Variants in TJP3 observed in about 807,000 individuals in gnomAD.
TJP3 encodes tight junction protein ZO-3.
In TJP3, 85 loss-of-function variants were observed where a neutral mutation model predicts 104.2. The ratio of observed to expected loss-of-function variants is 0.82; its 90% CI spans 0.68 to 0.98. The LOEUF (loss-of-function observed/expected upper bound fraction) is 0.98. TJP3 is among the 50% of genes least tolerant of loss of function. The probability of loss-of-function intolerance (pLI) is 0.00; values close to 1 mark genes in which losing one functional copy is unlikely to be tolerated. For missense variants in TJP3, 1,367 were observed against 1,322.8 expected (o/e 1.03, Z -0.52); for synonymous variants, 550 against 550.6 (o/e 1.00, Z 0.02).
chr19:3,714,774 C>A (rs1328570357), intron 1 of TJP3, among the ~76,000 whole-genome samples: 1 of 151,960 alleles, frequency 6.6e-6, no homozygotes, highest in Non-Finnish European at 1.5e-5. Flanking sequence ...TCAGTTTTCC[C>A]ACAAGCACTC....
chr19:3,711,218 G>C (rs189093338), intron 1 of TJP3, among the ~76,000 whole-genome samples: 1 of 42,898 alleles, frequency 2.3e-5, no homozygotes, highest in African/African-American at 8.4e-5. Context: ...TTTTTTTTGA[G>C]ATGGAGTCTC....
rs1026107588 is a variant in TJP3, at chr19:3,716,822, C to T, written c.-10+8261C>T. Among the ~76,000 whole-genome samples the T allele has an allele frequency of 1.3e-3, 126 of 97,596 alleles. 5 individuals carry two copies. The highest frequency in any genetic ancestry group is 5.0e-3 in the African/African-American group (122 of 24,462). 64.0% of individuals were successfully genotyped at this position (97,596 alleles called of 152,430 possible). On this transcript the variant is annotated intron_variant, in intron 1 of 20. Transcript: ENST00000541714. ...ATATATTTTTTTTTTTTTTTTGAAA[C>T]AGAGTCTCAGTCTGTCGCCCAGGTT...
intron 19 of TJP3, chr19:3,749,767 AGAGTG>A (rs921589160): frequency 9.7e-5 from 27 of 276,956 alleles, no homozygotes; most frequent in African/African-American, 5.9e-4. Context: ...ATCTCTGATT[AGAGTG>A]ATTTTCCTGG....
At chr19:3,729,546 C>T (rs1352567487) in intron 3 of TJP3, among the ~76,000 whole-genome samples, 1 of 151,876 alleles carries the variant, frequency 6.6e-6, no homozygotes, top group Non-Finnish European at 1.5e-5. Flanking sequence ...TTTGGGAGGC[C>T]GAGGTGGGCG....
At chr19:3,737,800 G>C (rs1007317124) in intron 11 of TJP3, among the ~76,000 whole-genome samples, 1 of 152,204 alleles carries the variant, frequency 6.6e-6, no homozygotes. Context: ...CATTTTGCTT[G>C]TGGGATTCTA....
intron 15 of TJP3, among the ~76,000 whole-genome samples, chr19:3,745,064 A>G (rs2018242439): frequency 1.3e-5 from 2 of 151,626 alleles, no homozygotes; most frequent in South Asian, 2.1e-4. Context: ...CCTGGGCAAC[A>G]CAGCAAAATC....
At position 3,747,880 on chromosome 19, in the gene TJP3, T is replaced by G; in HGVS notation, c.2409T>G (p.Val803=). 6.2e-7 allele frequency: 1 copy of G among 1,613,184 alleles called. No individual in the cohort carries two copies. The highest frequency in any genetic ancestry group is 8.5e-7 in the Non-Finnish European group (1 of 1,179,938). The change falls in exon 19 of 21, where the codon GTT becomes GTG. Residue 803 remains valine (V), a synonymous_variant. Coordinates refer to ENST00000541714, the MANE Select transcript of TJP3 (RefSeq NM_001267560.2). The stretch of plus-strand genomic sequence containing the variant: ...CTGACCTCAGCTGCGACAGCCGCGT[T>G]AACAGCGACTACGAGACGGACGGCG... ...SSADLSCDSR[V]NSDYETDGEG...
rs1322073708 is a variant in TJP3 at position 3,713,696 on chromosome 19, T to C, written c.-10+5135T>C. Among the ~76,000 whole-genome samples the C allele has an allele frequency of 3.3e-5, 5 of 152,100 alleles. No homozygotes were observed. The East Asian group carries it at 9.6e-4, about 29-fold the overall frequency. On this transcript the variant is annotated intron_variant, in intron 1 of 20. Transcript: ENST00000541714. ...CTGTGTATTTACTTTTCTGTAACTTTAAAATTATTATTATTATTTATTTAT... is the reference window on the plus strand; with the variant it reads ...CTGTGTATTTACTTTTCTGTAACTTCAAAATTATTATTATTATTTATTTAT...
chr19:3,740,856 CTT>C, intron 14 of TJP3, 93 bp downstream of exon 14: 2 of 1,261,454 alleles, frequency 1.6e-6, no homozygotes, highest in East Asian at 5.8e-5. Context: ...AAGGCACAGT[CTT>C]GGCCCGGCGT....
chr19:3,715,275 G>A (rs1358644075), intron 1 of TJP3, among the ~76,000 whole-genome samples: 1 of 152,120 alleles, frequency 6.6e-6, no homozygotes, highest in East Asian at 1.9e-4. Flanking sequence ...ATTTTTAGTA[G>A]AGATGGGGTT....
intron 1 of TJP3, among the ~76,000 whole-genome samples, chr19:3,712,524 G>A (rs958233168): frequency 1.3e-5 from 2 of 152,150 alleles, no homozygotes; most frequent in African/African-American, 4.8e-5. Context: ...ATACTGCTCA[G>A]GGTCAAAACC....
rs1293356494 is a variant in TJP3 at position 3,730,983 on chromosome 19, C to A, written c.613+277C>A. 6.6e-6 allele frequency among the ~76,000 whole-genome samples: 1 copy of A among 152,174 alleles called. No individual in the cohort carries two copies. Among genetic ancestry groups the A allele is most frequent in the Non-Finnish European group, 1.5e-5 (1 of 68,032 alleles). Reference sequence around the variant, plus strand: ...TGTGGGCGTGAGCCACCGCGCCCAGCCTGGAAGCTACAACTACACCTGGCA... The same window carrying A: ...TGTGGGCGTGAGCCACCGCGCCCAGACTGGAAGCTACAACTACACCTGGCA... On this transcript the variant is annotated intron_variant, in intron 5 of 20. Transcript: ENST00000541714. The surrounding 1 kb of genome is among the most constrained non-coding windows in gnomAD (Gnocchi z 7.3).
In TJP3 at chr19:3,708,540, G is replaced by A. The variant is rs2036405952; in HGVS notation, c.-31G>A. ...CCCTGGCACCTGCTGCCTGCCCAGAGGCCACCCAGCCTCCTAGACAGGTAA... is the reference window on the plus strand; with the variant it reads ...CCCTGGCACCTGCTGCCTGCCCAGAAGCCACCCAGCCTCCTAGACAGGTAA... On this transcript the variant is annotated 5_prime_UTR_variant, in exon 1 of 21. Transcript: ENST00000541714. 6.6e-6 allele frequency: 1 copy of A among 152,152 alleles called. No homozygotes were observed. The allele number at this position is 152,152 out of a possible 1,614,324, so 9.4% of individuals were successfully genotyped here.
chr19:3,750,638 C>A lies in TJP3; in HGVS notation c.2714C>A (p.Ser905Tyr), dbSNP rs1879585378. ...TTTATGCGAGTACATGATGCGGAGT[C>A]CTCCGATGAAGACGGCTATGACTGG... Reference protein sequence around the residue: ...KKFMRVHDAESSDEDGYDWGP... With the variant: ...KKFMRVHDAEYSDEDGYDWGP... The change falls in exon 21 of 21, where the codon TCC becomes TAC. Residue 905 changes from serine (S) to tyrosine (Y), a missense_variant. By Grantham distance (144) the Ser-to-Tyr change is moderately radical (BLOSUM62 -2). Coordinates refer to ENST00000541714, the MANE Select transcript of TJP3 (RefSeq NM_001267560.2). 1 of 1,608,842 alleles carries A rather than the reference C, an allele frequency of 6.2e-7. No individual in the cohort carries two copies. The highest frequency in any genetic ancestry group is 1.1e-5 in the South Asian group (1 of 89,960).
At chr19:3,738,524 T>C in intron 11 of TJP3, 31 bp from the exon 12 acceptor site, 1 of 1,596,546 alleles carries the variant, frequency 6.3e-7, no homozygotes, top group Non-Finnish European at 8.6e-7. Context: ...GTACCAGAGC[T>C]TTTTCTATAG....
chr19:3,722,736 C>T (rs2036553512), intron 1 of TJP3, among the ~76,000 whole-genome samples: 1 of 151,916 alleles, frequency 6.6e-6, no homozygotes, highest in Non-Finnish European at 1.5e-5. Flanking sequence ...GGACCCGGCA[C>T]TTCTGGTTCC....
intron 6 of TJP3, among the ~76,000 whole-genome samples, chr19:3,732,550 C>G (rs2036685110): frequency 6.6e-6 from 1 of 151,546 alleles, no homozygotes; most frequent in South Asian, 2.1e-4. Flanking sequence ...CGCTCTGTCA[C>G]CCAGGCTGGA....
Position 3,730,726 on chromosome 19 carries a change from C to T in TJP3, c.613+20C>T, listed in dbSNP as rs373882308. The stretch of plus-strand genomic sequence containing the variant: ...GCGAAGGTCAGAAGAGGCGGGAGGT[C>T]GGACACGATCAGTACTGGACACAGG... On this transcript the variant is annotated intron_variant, in intron 5 of 20. Coordinates refer to ENST00000541714, the MANE Select transcript of TJP3 (RefSeq NM_001267560.2). This position sits in a 1 kb window ranked among gnomAD's most constrained non-coding sequence, Gnocchi z 7.3. 2.3e-4 allele frequency: 373 copies of T among 1,598,272 alleles called. No homozygotes were observed. The highest frequency in any genetic ancestry group is 4.3e-4 in the South Asian group (39 of 90,500).
Position 3,746,032 on chromosome 19 carries a change from G to C in TJP3, c.1961G>C (p.Ser654Thr), listed in dbSNP as rs759644627. 43 of 1,609,122 alleles carry C rather than the reference G, an allele frequency of 2.7e-5. No individual in the cohort carries two copies. In the Middle Eastern group the frequency reaches 9.9e-4, roughly 37 times the overall value. Residue 654 changes from serine (S) to threonine (T), a missense_variant, in exon 16 of 21, where the codon AGC becomes ACC. Physicochemically the swap from Ser to Thr is moderately conservative, Grantham distance 58. Transcript: ENST00000541714. This position sits in a 1 kb window ranked among gnomAD's most constrained non-coding sequence, Gnocchi z 4.1. Reference sequence around the variant, plus strand: ...ACAGAGACTGTGTCCAGGACCGACAGCCCCTCCAAGATCATCAAACTAGAC... The same window carrying C: ...ACAGAGACTGTGTCCAGGACCGACACCCCCTCCAAGATCATCAAACTAGAC... ...EIAETVSRTDSPSKIIKLDTV... is the reference protein window; with the variant it reads ...EIAETVSRTDTPSKIIKLDTV...
Sources: allele counts gnomAD v4.1 joint callset (sites outside exome capture counted in the v4.1 genomes callset), GRCh38; gene constraint gnomAD v4.1.1; non-coding constraint Gnocchi (gnomAD v3.1); transcripts MANE v1.5; gene names NCBI Gene and HGNC (gene_info 2026-07-23, HGNC 2026-07-21).